DAB1: variants seen among roughly 807,000 people sequenced by gnomAD.
The protein encoded by DAB1 is DAB adaptor protein 1.
DAB1 carries 15 observed loss-of-function variants against 64.6 expected under a neutral mutation model. The ratio of observed to expected loss-of-function variants is 0.23; its 90% CI spans 0.16 to 0.36. The LOEUF is 0.36. DAB1 is among the 10% of genes least tolerant of loss of function. The probability of loss-of-function intolerance (pLI) is 1.00; values close to 1 mark genes in which losing one functional copy is unlikely to be tolerated. For missense variants in DAB1, 596 were observed against 706.7 expected (o/e 0.84, Z 1.78); for synonymous variants, 235 against 251.9 (o/e 0.93, Z 0.64).
At chr1:57,061,759 T>A (rs1402457107) in intron 9 of DAB1, among the ~76,000 whole-genome samples, 2 of 152,154 alleles carry the variant, frequency 1.3e-5, no homozygotes, top group Non-Finnish European at 2.9e-5. Flanking sequence ...GAGTTTCACA[T>A]CCCCTTGTTA....
In DAB1 at chr1:58,432,189, C is replaced by T. The variant is rs115799570; in HGVS notation, n.257+73871G>A. 6.6e-3 allele frequency among the ~76,000 whole-genome samples: 1,010 copies of T among 152,306 alleles called. 11 individuals are homozygous for T. The highest frequency in any genetic ancestry group is 0.023 in the African/African-American group (966 of 41,562). ...CCTTTGCATGGCTGCTTTCTTGGCA[C>T]CCTACAGCTCTTGGTGTGAATCTCT... On this transcript the variant is annotated intron_variant and non_coding_transcript_variant, in intron 3 of 20. Coordinates refer to the DAB1 transcript ENST00000485760.
chr1:58,321,976 C>T (rs989731560), intron 4 of DAB1, among the ~76,000 whole-genome samples: 4 of 152,218 alleles, frequency 2.6e-5, no homozygotes, highest in African/African-American at 4.8e-5. Flanking sequence ...GGTCCCTGAC[C>T]CCTGTGTAGC....
intron 9 of DAB1, among the ~76,000 whole-genome samples, chr1:57,034,697 T>G (rs1480593078): frequency 1.3e-5 from 2 of 152,254 alleles, no homozygotes; most frequent in Non-Finnish European, 2.9e-5. Context: ...CTAATTATTC[T>G]TTGGATGATT....
chr1:57,727,390 G>T (rs1299067792), intron 6 of DAB1, among the ~76,000 whole-genome samples: 1 of 152,194 alleles, frequency 6.6e-6, no homozygotes, highest in South Asian at 2.1e-4. Context: ...GGCGAGTGCT[G>T]CTAAGTGATG....
intron 5 of DAB1, among the ~76,000 whole-genome samples, chr1:58,089,340 C>A (rs1368270440): frequency 6.6e-6 from 1 of 152,250 alleles, no homozygotes; most frequent in African/African-American, 2.4e-5. Context: ...GCGCCTAGAA[C>A]TGTATCTGCT....
chr1:57,728,306 C>T (rs3118030), intron 6 of DAB1, among the ~76,000 whole-genome samples: 1 of 152,254 alleles, frequency 6.6e-6, no homozygotes, highest in Middle Eastern at 3.4e-3. Context: ...TAAAAGAACA[C>T]CCCCTGGCCG....
At chr1:57,839,069 CT>C (rs1399225565) in intron 1 of DAB1, among the ~76,000 whole-genome samples, 7 of 152,314 alleles carry the variant, frequency 4.6e-5, no homozygotes, top group African/African-American at 1.4e-4. Context: ...GCATGAGCCA[CT>C]GCACCCAGCC....
chr1:58,025,257 G>A (rs545637006), intron 5 of DAB1, among the ~76,000 whole-genome samples: 3 of 151,994 alleles, frequency 2.0e-5, no homozygotes, highest in East Asian at 3.9e-4. Context: ...GTGTTTTCGT[G>A]GTCATTAGAA....
At chr1:57,695,404 GA>G (rs1156503384) in intron 6 of DAB1, among the ~76,000 whole-genome samples, 4 of 109,906 alleles carry the variant, frequency 3.6e-5, no homozygotes, top group Admixed American at 8.3e-5. Flanking sequence ...AAGAAAGAAA[GA>G]AAGAAAGAAA....
At chr1:57,382,789 C>T (rs1026522152) in intron 1 of DAB1, among the ~76,000 whole-genome samples, 1 of 152,132 alleles carries the variant, frequency 6.6e-6, no homozygotes, top group Non-Finnish European at 1.5e-5. Flanking sequence ...TATCAAGGTC[C>T]TTATATTAAT....
At position 58,355,662 on chromosome 1, in the gene DAB1, C is replaced by T. The variant is rs113103598; in HGVS notation, n.258-12259G>A. Among the ~76,000 whole-genome samples the T allele has an allele frequency of 4.5e-3, 685 of 152,212 alleles. 10 individuals carry two copies. Among genetic ancestry groups the T allele is most frequent in the African/African-American group, 0.016 (660 of 41,548 alleles). ...CTTGTAGGTGAGAGAAGGCATCTGC[C>T]CCCTGGAGACCTCCTCTTCCCCCTT... is the stretch of plus-strand genomic sequence containing the variant. On this transcript the variant is annotated intron_variant and non_coding_transcript_variant, in intron 3 of 20. Coordinates refer to the DAB1 transcript ENST00000485760.
At chr1:57,008,164 C>A (rs920364259) in intron 14 of DAB1, among the ~76,000 whole-genome samples, 8 of 152,146 alleles carry the variant, frequency 5.3e-5, no homozygotes, top group African/African-American at 1.9e-4. Context: ...TAAGACAGCC[C>A]ATTTTTTGGC....
In DAB1 at chr1:58,309,798, T is replaced by C. The variant is rs571711735; in HGVS notation, n.309+33554A>G. On this transcript the variant is annotated intron_variant and non_coding_transcript_variant, in intron 4 of 20. Coordinates refer to the DAB1 transcript ENST00000485760. Reference sequence around the variant, plus strand: ...TGCTCTAAGCATTTTCAGAGATCTGTGTGTGGATGGACAGGAGGAGACCTG... The same window carrying C: ...TGCTCTAAGCATTTTCAGAGATCTGCGTGTGGATGGACAGGAGGAGACCTG... 1.3e-4 allele frequency among the ~76,000 whole-genome samples: 20 copies of C among 152,164 alleles called. No homozygotes were observed. In the South Asian group the frequency reaches 2.1e-3, roughly 16 times the overall value.
At chr1:57,627,995 G>A (rs1645943661) in intron 7 of DAB1, among the ~76,000 whole-genome samples, 1 of 152,194 alleles carries the variant, frequency 6.6e-6, no homozygotes, top group Non-Finnish European at 1.5e-5. Context: ...ACCTCCCTGG[G>A]AAGGCTGTTA....
intron 5 of DAB1, among the ~76,000 whole-genome samples, chr1:58,085,847 T>A (rs1650267043): frequency 6.6e-6 from 1 of 152,048 alleles, no homozygotes; most frequent in African/African-American, 2.4e-5. Flanking sequence ...AGTTTCCAAG[T>A]ATGCCCTGCC....
intron 2 of DAB1, among the ~76,000 whole-genome samples, chr1:58,506,952 T>A (rs1415728158): frequency 6.6e-6 from 1 of 151,704 alleles, no homozygotes; most frequent in African/African-American, 2.4e-5. Flanking sequence ...AATTCCATCA[T>A]ACACTCATAT....
intron 5 of DAB1, among the ~76,000 whole-genome samples, chr1:58,135,919 C>T (rs368980371): frequency 6.6e-6 from 1 of 152,034 alleles, no homozygotes; most frequent in African/African-American, 2.4e-5. Flanking sequence ...CCAACTCCCT[C>T]TGTAGCCCTG....
chr1:57,011,396 G>A, intron 12 of DAB1, 124 bp from the exon 13 acceptor site: 1 of 1,143,470 alleles, frequency 8.7e-7, no homozygotes, highest in Non-Finnish European at 1.2e-6. Context: ...CCTATTTCCA[G>A]TGGAATCAGT....
chr1:57,061,336 G>A (rs1285977238), intron 9 of DAB1, among the ~76,000 whole-genome samples: 1 of 152,020 alleles, frequency 6.6e-6, no homozygotes, highest in Non-Finnish European at 1.5e-5. Flanking sequence ...AGGCAAGGAT[G>A]AGAATCTACC....
Sources: allele counts gnomAD v4.1 joint callset (sites outside exome capture counted in the v4.1 genomes callset), GRCh38; gene constraint gnomAD v4.1.1; transcripts MANE v1.5; gene names NCBI Gene and HGNC (gene_info 2026-07-23, HGNC 2026-07-21).